Variants in CAMKMT observed in about 807,000 individuals in gnomAD.
CAMKMT encodes the protein calmodulin-lysine N-methyltransferase.
Under a neutral mutation model 48.0 loss-of-function variants are expected in CAMKMT, and 53 were observed. The ratio of observed to expected loss-of-function variants is 1.10; its 90% CI spans 0.89 to 1.39. The LOEUF is 1.39. CAMKMT is among the 40% of genes most tolerant of loss of function. The pLI, the probability that CAMKMT is intolerant of heterozygous loss-of-function variation, is 0.00. For missense variants in CAMKMT, 428 were observed against 402.7 expected (o/e 1.06, Z -0.54); for synonymous variants, 165 against 152.3 (o/e 1.08, Z -0.61).
chr2:44,597,154 A>T (rs1005127355), intron 3 of CAMKMT, among the ~76,000 whole-genome samples: 1 of 152,202 alleles, frequency 6.6e-6, no homozygotes, highest in Non-Finnish European at 1.5e-5. Context: ...CCCTAAGTGC[A>T]TGATGGTTGT....
intron 3 of CAMKMT, among the ~76,000 whole-genome samples, chr2:44,698,083 T>C (rs891857859): frequency 6.6e-6 from 1 of 152,216 alleles, no homozygotes; most frequent in Non-Finnish European, 1.5e-5. Context: ...CAAATAAGAA[T>C]GAGAAAACTT....
intron 3 of CAMKMT, among the ~76,000 whole-genome samples, chr2:44,478,946 G>A (rs1391240155): frequency 1.3e-5 from 2 of 152,090 alleles, no homozygotes; most frequent in Admixed American, 6.5e-5. Context: ...TGATCCGCCC[G>A]CCTCGGCCTC....
intron 3 of CAMKMT, among the ~76,000 whole-genome samples, chr2:44,689,261 A>ATTTTTTTT (rs1278736278): frequency 3.7e-5 from 4 of 108,810 alleles, no homozygotes; most frequent in African/African-American, 1.4e-4. Flanking sequence ...ACCCAGCACT[A>ATTTTTTTT]TTTTTTATTT....
chr2:44,651,551 G>C (rs1041707614), intron 3 of CAMKMT, among the ~76,000 whole-genome samples: 9 of 152,132 alleles, frequency 5.9e-5, no homozygotes, highest in South Asian at 4.2e-4. Flanking sequence ...CTCTAGCCTG[G>C]GTGACAGAGT....
intron 3 of CAMKMT, among the ~76,000 whole-genome samples, chr2:44,439,902 G>A (rs1666538611): frequency 6.6e-6 from 1 of 152,136 alleles, no homozygotes; most frequent in South Asian, 2.1e-4. Flanking sequence ...TATAAGTCAA[G>A]AAATGTCAGG....
chr2:44,395,258 G>A (rs1681723114), intron 3 of CAMKMT, among the ~76,000 whole-genome samples: 2 of 152,060 alleles, frequency 1.3e-5, no homozygotes, highest in Admixed American at 6.5e-5. Context: ...TATATGTAAT[G>A]CATATGTATG....
chr2:44,614,167 T>C lies in CAMKMT; in HGVS notation c.377-90116T>C, dbSNP rs552391561. ...TGAAAGGTTGTATTTGGACTAGATA[T>C]TGAAAGTGAAAAACAGAAGAGAGGG... On this transcript the variant is annotated intron_variant, in intron 3 of 10. Coordinates refer to ENST00000378494, the MANE Select transcript of CAMKMT (RefSeq NM_024766.5). Among the ~76,000 whole-genome samples, 29 of 152,270 alleles carry C rather than the reference T, an allele frequency of 1.9e-4. No homozygotes were observed. The South Asian group carries it at 5.8e-3, about 31-fold the overall frequency.
intron 3 of CAMKMT, among the ~76,000 whole-genome samples, chr2:44,400,093 G>A (rs143519421): frequency 1.2e-4 from 19 of 152,072 alleles, no homozygotes; most frequent in South Asian, 6.2e-4. Context: ...TGAATCCCAA[G>A]TCATACCCAA....
intron 3 of CAMKMT, among the ~76,000 whole-genome samples, chr2:44,405,937 T>C (rs1408986870): frequency 6.6e-6 from 1 of 152,200 alleles, no homozygotes; most frequent in African/African-American, 2.4e-5. Flanking sequence ...TCCTAAAATC[T>C]GTGCCTAAAC....
intron 3 of CAMKMT, among the ~76,000 whole-genome samples, chr2:44,629,417 A>ATTTC (rs1181103621): frequency 6.7e-4 from 96 of 142,294 alleles, no homozygotes; most frequent in East Asian, 3.2e-3. Flanking sequence ...CTGTGTATGC[A>ATTTC]TTTCTTTCTT....
intron 3 of CAMKMT, among the ~76,000 whole-genome samples, chr2:44,556,462 T>TAAAGGATTAA (rs1356090739): frequency 5.2e-4 from 25 of 47,948 alleles, no homozygotes; most frequent in East Asian, 9.7e-4. Context: ...TTTTTTTTTT[T>TAAAGGATTAA]TTTTTTTTTT....
intron 8 of CAMKMT, among the ~76,000 whole-genome samples, chr2:44,748,407 T>G (rs1028271928): frequency 6.6e-6 from 1 of 152,180 alleles, no homozygotes; most frequent in South Asian, 2.1e-4. Flanking sequence ...ATTTTTTTTT[T>G]CTAACGATCT....
chr2:44,765,782 G>A (rs989636184), intron 9 of CAMKMT, among the ~76,000 whole-genome samples: 1 of 152,144 alleles, frequency 6.6e-6, no homozygotes, highest in Non-Finnish European at 1.5e-5. Context: ...AAGCAATCAT[G>A]TGAATACTAT....
At position 44,681,530 on chromosome 2, in the gene CAMKMT, C is replaced by T. The variant is rs140253781; in HGVS notation, c.377-22753C>T. 4.6e-3 allele frequency among the ~76,000 whole-genome samples: 696 copies of T among 150,088 alleles called. 7 individuals are homozygous for T. The highest frequency in any genetic ancestry group is 0.016 in the African/African-American group (665 of 40,910). Reference sequence around the variant, plus strand: ...GTGTTCTTAAAGTGCTGAATTAAAGCTCTTACCAGCTTTTTTTTTTTTTTT... The same window carrying T: ...GTGTTCTTAAAGTGCTGAATTAAAGTTCTTACCAGCTTTTTTTTTTTTTTT... On this transcript the variant is annotated intron_variant, in intron 3 of 10. Coordinates refer to ENST00000378494, the MANE Select transcript of CAMKMT (RefSeq NM_024766.5).
chr2:44,477,424 T>C (rs757819397), intron 3 of CAMKMT, among the ~76,000 whole-genome samples: 1 of 152,222 alleles, frequency 6.6e-6, no homozygotes, highest in Non-Finnish European at 1.5e-5. Context: ...AAGTTAAAAC[T>C]ATTTTTAAAC....
chr2:44,559,369 T>C (rs1344903389), intron 3 of CAMKMT, among the ~76,000 whole-genome samples: 1 of 152,194 alleles, frequency 6.6e-6, no homozygotes, highest in Non-Finnish European at 1.5e-5. Context: ...GTTGCAGGTG[T>C]GAAGAAATGT....
intron 3 of CAMKMT, among the ~76,000 whole-genome samples, chr2:44,542,358 A>G (rs1042900328): frequency 9.9e-5 from 15 of 152,118 alleles, no homozygotes; most frequent in African/African-American, 3.6e-4. Context: ...TTCTCAAACC[A>G]GTACTTACTG....
intron 3 of CAMKMT, among the ~76,000 whole-genome samples, chr2:44,677,703 C>T (rs538382771): frequency 4.4e-5 from 5 of 114,490 alleles, no homozygotes; most frequent in East Asian, 3.9e-4. Context: ...ATTGAGACTC[C>T]GTCTAAAAAA....
chr2:44,453,457 GT>G, intron 3 of CAMKMT, among the ~76,000 whole-genome samples: 1 of 152,172 alleles, frequency 6.6e-6, no homozygotes, highest in Non-Finnish European at 1.5e-5. Context: ...AATTGCTTCT[GT>G]GTATGATACA....
Sources: allele counts gnomAD v4.1 joint callset (sites outside exome capture counted in the v4.1 genomes callset), GRCh38; gene constraint gnomAD v4.1.1; transcripts MANE v1.5; gene names NCBI Gene and HGNC (gene_info 2026-07-23, HGNC 2026-07-21).